The following SNX24 variants were observed in gnomAD, a reference collection of about 807,000 sequenced individuals.
SNX24 encodes sorting nexin-24.
In SNX24, 22 loss-of-function variants were observed where a neutral mutation model predicts 28.7. The ratio of observed to expected loss-of-function variants is 0.77; its 90% CI spans 0.55 to 1.10. The LOEUF is 1.10. Ranked by LOEUF, SNX24 falls within the 50% of genes least tolerant of loss-of-function variation. The pLI is 0.00. For missense variants in SNX24, 221 were observed against 201.1 expected, an observed-to-expected ratio of 1.10 and a Z score of -0.60; for synonymous variants, 69 against 71.5, an observed-to-expected ratio of 0.96 and a Z score of 0.18.
At chr5:122,941,843 T>C (rs567935045) in intron 2 of SNX24, among the ~76,000 whole-genome samples, 24 of 152,326 alleles carry the variant, frequency 1.6e-4, no homozygotes, top group Non-Finnish European at 2.5e-4. Context: ...CTTGCCCTGA[T>C]ACCTTTGTAG....
intron 1 of SNX24, among the ~76,000 whole-genome samples, chr5:122,933,339 G>C (rs531979521): frequency 1.3e-5 from 2 of 152,164 alleles, no homozygotes; most frequent in South Asian, 2.1e-4. Flanking sequence ...CCAATCTCAC[G>C]TGCCGATTGG....
intron 1 of SNX24, among the ~76,000 whole-genome samples, chr5:122,849,592 C>CA (rs933947995): frequency 6.7e-6 from 1 of 148,598 alleles, no homozygotes; most frequent in Non-Finnish European, 1.5e-5. Flanking sequence ...GATATGCCCC[C>CA]AAAAAAGGGG....
intron 2 of SNX24, among the ~76,000 whole-genome samples, chr5:122,941,249 A>C (rs1352034760): frequency 6.6e-6 from 1 of 152,154 alleles, no homozygotes; most frequent in African/African-American, 2.4e-5. Flanking sequence ...AAGCGAATAC[A>C]TTCACAGATT....
At chr5:122,948,932 T>A (rs1321387670) in intron 3 of SNX24, among the ~76,000 whole-genome samples, 1 of 152,228 alleles carries the variant, frequency 6.6e-6, no homozygotes, top group Non-Finnish European at 1.5e-5. Context: ...AAACTATTAC[T>A]GCCTAATTGA....
At chr5:122,921,912 A>G (rs1758447890) in intron 1 of SNX24, among the ~76,000 whole-genome samples, 2 of 152,202 alleles carry the variant, frequency 1.3e-5, no homozygotes. Context: ...ATGGTATATC[A>G]TGTAACTAGC....
At chr5:122,862,645 T>G (rs154509) in intron 1 of SNX24, among the ~76,000 whole-genome samples, 40 of 147,714 alleles carry the variant, frequency 2.7e-4, no homozygotes, top group African/African-American at 9.9e-4. Flanking sequence ...GATAGTCAAT[T>G]TCACCAGTAA....
chr5:122,958,021 T>G (rs916814838), intron 3 of SNX24, among the ~76,000 whole-genome samples: 1 of 152,176 alleles, frequency 6.6e-6, no homozygotes, highest in Non-Finnish European at 1.5e-5. Flanking sequence ...TTATTTCTTT[T>G]TCTTGCCTAA....
intron 5 of SNX24, among the ~76,000 whole-genome samples, chr5:123,017,575 A>G (rs1346191106): frequency 1.3e-5 from 2 of 152,120 alleles, no homozygotes; most frequent in East Asian, 3.9e-4. Flanking sequence ...CCATTTTGAT[A>G]GGGTTTGGCT....
intron 1 of SNX24, among the ~76,000 whole-genome samples, chr5:122,935,867 A>G (rs1240479623): frequency 6.6e-6 from 1 of 152,212 alleles, no homozygotes; most frequent in African/African-American, 2.4e-5. Flanking sequence ...GTAATTAAAC[A>G]ATATTCCTTC....
chr5:123,009,973 T>A (rs1172983848), downstream of SNX24, among the ~76,000 whole-genome samples: 1 of 152,206 alleles, frequency 6.6e-6, no homozygotes, highest in East Asian at 1.9e-4. Flanking sequence ...AAAGGACCTG[T>A]TATCTCCATG....
chr5:123,004,932 G>A (rs1163183514), intron 6 of SNX24, among the ~76,000 whole-genome samples: 1 of 152,116 alleles, frequency 6.6e-6, no homozygotes, highest in Non-Finnish European at 1.5e-5. Flanking sequence ...AGCAAAACCT[G>A]CCCTAAATCA....
At chr5:123,016,344 GA>G (rs1762679003) in intron 5 of SNX24, among the ~76,000 whole-genome samples, 1 of 152,162 alleles carries the variant, frequency 6.6e-6, no homozygotes. Context: ...CAGGGAAGGG[GA>G]AGGGTGTTGC....
chr5:122,867,950 A>G (rs897898664), intron 1 of SNX24, among the ~76,000 whole-genome samples: 10 of 152,192 alleles, frequency 6.6e-5, no homozygotes, highest in African/African-American at 2.4e-4. Context: ...TTCCAAGGAA[A>G]GTTTACAATC....
chr5:122,876,760 G>T (rs1756241125), intron 1 of SNX24, among the ~76,000 whole-genome samples: 1 of 152,312 alleles, frequency 6.6e-6, no homozygotes, highest in South Asian at 2.1e-4. Context: ...ATGAGGAGTG[G>T]AGTGCAGTAC....
chr5:122,966,500 T>C (rs1446554653), intron 3 of SNX24, among the ~76,000 whole-genome samples: 2 of 152,230 alleles, frequency 1.3e-5, no homozygotes, highest in East Asian at 3.8e-4. Context: ...AGAGATGGAC[T>C]GTGTTGAAAC....
chr5:122,867,501 T>G (rs1320956867), intron 1 of SNX24, among the ~76,000 whole-genome samples: 1 of 152,198 alleles, frequency 6.6e-6, no homozygotes, highest in Admixed American at 6.5e-5. Flanking sequence ...GGCCTCAGTG[T>G]TGATCTCTGC....
chr5:122,920,022 G>T (rs1758363918), intron 1 of SNX24, among the ~76,000 whole-genome samples: 1 of 152,210 alleles, frequency 6.6e-6, no homozygotes, highest in Admixed American at 6.5e-5. Flanking sequence ...TTAGAGGTGG[G>T]ATAGTTTATG....
intron 1 of SNX24, among the ~76,000 whole-genome samples, chr5:122,886,907 C>G (rs1337380495): frequency 6.6e-6 from 1 of 151,838 alleles, no homozygotes; most frequent in Admixed American, 6.6e-5. Flanking sequence ...AGTTACTGTT[C>G]TCCCTCATCC....
rs572576840 is a variant in SNX24, at chr5:122,902,323, A to G, written c.61-34411A>G. Among the ~76,000 whole-genome samples, 151 of 152,300 alleles carry G rather than the reference A, an allele frequency of 9.9e-4. 1 individual carries two copies. The highest frequency in any genetic ancestry group is 3.5e-3 in the African/African-American group (144 of 41,566). Reference sequence around the variant, plus strand: ...CCCTTTCAACTCCAGTTGGGATGGCACCAGGTTCAAGAGGCTGAAGAAGAG... The same window carrying G: ...CCCTTTCAACTCCAGTTGGGATGGCGCCAGGTTCAAGAGGCTGAAGAAGAG... On this transcript the variant is annotated intron_variant, in intron 1 of 6. Transcript: ENST00000261369.
Sources: allele counts gnomAD v4.1 joint callset (sites outside exome capture counted in the v4.1 genomes callset), GRCh38; gene constraint gnomAD v4.1.1; transcripts MANE v1.5; gene names NCBI Gene and HGNC (gene_info 2026-07-23, HGNC 2026-07-21).